TAFA2: variants seen among roughly 807,000 people sequenced by gnomAD.
The protein encoded by TAFA2 is chemokine-like protein TAFA-2.
A neutral mutation model predicts 18.8 loss-of-function variants in TAFA2; 7 were observed. The observed-to-expected ratio is 0.37, with a 90% CI of 0.21 to 0.70. The LOEUF is 0.70. Ranked by LOEUF, TAFA2 falls within the 30% of genes least tolerant of loss-of-function variation. The pLI, the probability that TAFA2 is intolerant of heterozygous loss-of-function variation, is 0.53. For synonymous variants in TAFA2, 60 were observed against 54.2 expected, an observed-to-expected ratio of 1.11 and a Z score of -0.47; for missense variants, 122 against 158.1, an observed-to-expected ratio of 0.77 and a Z score of 1.23.
chr12:61,867,177 T>C (rs1874390139), intron 2 of TAFA2, 143 bp downstream of exon 2: 2 of 599,996 alleles, frequency 3.3e-6, no homozygotes, highest in African/African-American at 3.8e-5. Flanking sequence ...AAGATAACAC[T>C]GCATTATTAC....
intron 1 of TAFA2, among the ~76,000 whole-genome samples, chr12:61,933,307 T>A (rs2121400220): frequency 6.6e-6 from 1 of 152,296 alleles, no homozygotes; most frequent in Admixed American, 6.5e-5. Flanking sequence ...GAGATATAGT[T>A]TCCACCTTTA....
intron 1 of TAFA2, among the ~76,000 whole-genome samples, chr12:62,170,041 T>C (rs994584475): frequency 1.3e-5 from 2 of 152,096 alleles, no homozygotes; most frequent in African/African-American, 4.8e-5. Context: ...AATTTATATA[T>C]TATATTGCTT....
chr12:61,810,125 T>A (rs1871803206), intron 2 of TAFA2, among the ~76,000 whole-genome samples: 2 of 151,454 alleles, frequency 1.3e-5, no homozygotes, highest in South Asian at 4.1e-4. Flanking sequence ...TATTCCTGTA[T>A]AATTTACAGT....
rs2062791508 is a variant in TAFA2, at chr12:62,227,371, C to G, written c.-130+31392G>C. On this transcript the variant is annotated intron_variant, in intron 1 of 5. Transcript: ENST00000551619. ...GTTACATATGCATACACTAAAGTGTCTGGCTGATGGGACAAGCAGGGGCAG... is the reference window on the plus strand; with the variant it reads ...GTTACATATGCATACACTAAAGTGTGTGGCTGATGGGACAAGCAGGGGCAG... Among the ~76,000 whole-genome samples the G allele has an allele frequency of 2.0e-5, 3 of 152,330 alleles. No homozygotes were observed. In the South Asian group the frequency reaches 6.2e-4, roughly 32 times the overall value.
chr12:61,786,652 A>G (rs1870750904), intron 2 of TAFA2, among the ~76,000 whole-genome samples: 1 of 151,566 alleles, frequency 6.6e-6, no homozygotes, highest in South Asian at 2.1e-4. Flanking sequence ...CCAAGGTTGA[A>G]CACCTAGGGA....
chr12:62,023,595 A>C (rs1592556348), intron 1 of TAFA2: 1 of 152,002 alleles, frequency 6.6e-6, no homozygotes, highest in East Asian at 1.9e-4. Context: ...TTTGTAACTA[A>C]AAAGATACTG....
Position 62,198,024 on chromosome 12 carries a change from A to C in TAFA2, c.-130+60739T>G, listed in dbSNP as rs71465142. 9.5e-3 allele frequency among the ~76,000 whole-genome samples: 1,449 copies of C among 152,254 alleles called. 16 individuals are homozygous for C. Among genetic ancestry groups the C allele is most frequent in the Non-Finnish European group, 0.017 (1,133 of 68,008 alleles). Reference sequence around the variant, plus strand: ...TATGTTTAACTTAAAAACAAGAAGTATTTTCTAAAGTGTCTGTGCCATTTT... The same window carrying C: ...TATGTTTAACTTAAAAACAAGAAGTCTTTTCTAAAGTGTCTGTGCCATTTT... On this transcript the variant is annotated intron_variant, in intron 1 of 5. Transcript: ENST00000551619.
intron 1 of TAFA2, among the ~76,000 whole-genome samples, chr12:62,073,628 G>A (rs1284836769): frequency 6.6e-6 from 1 of 152,080 alleles, no homozygotes; most frequent in Non-Finnish European, 1.5e-5. Context: ...TACTTGAATA[G>A]CATTGCACAG....
At chr12:62,028,484 A>G (rs1881366755) in intron 1 of TAFA2, among the ~76,000 whole-genome samples, 1 of 152,194 alleles carries the variant, frequency 6.6e-6, no homozygotes, top group Non-Finnish European at 1.5e-5. Context: ...AACAATTCTC[A>G]ACTCTCAGCT....
Position 61,708,322 on chromosome 12 carries a change from T to G in TAFA2, c.*2084A>C, listed in dbSNP as rs971782957. 6.6e-6 allele frequency: 1 copy of G among 152,146 alleles called. No homozygotes were observed. Among genetic ancestry groups the G allele is most frequent in the Admixed American group, 6.6e-5 (1 of 15,260 alleles). The allele number at this position is 152,146 out of a possible 1,614,324, so 9.4% of individuals were successfully genotyped here. A position where few individuals can be genotyped will look rare whatever the true frequency, so the allele number is the denominator to read the frequency against. ...CACCTTTTCTGAATAGTCACAACAT[T>G]AATCTACTGGGGATAATCTAGTTAG... is the stretch of plus-strand genomic sequence containing the variant. On this transcript the variant is annotated 3_prime_UTR_variant, in exon 5 of 5. Coordinates refer to ENST00000416284, the MANE Select transcript of TAFA2 (RefSeq NM_178539.5).
chr12:61,822,021 A>T (rs2121052929), intron 2 of TAFA2, among the ~76,000 whole-genome samples: 1 of 152,280 alleles, frequency 6.6e-6, no homozygotes, highest in Non-Finnish European at 1.5e-5. Flanking sequence ...ATTATAATAT[A>T]AAGCCAGAAA....
At chr12:61,929,159 T>TA (rs57143585) in intron 1 of TAFA2, among the ~76,000 whole-genome samples, 6,422 of 134,674 alleles carry the variant, frequency 0.048, 239 homozygotes, top group African/African-American at 0.11. Flanking sequence ...AAGTATAATT[T>TA]AAAAAAAAAA....
At chr12:61,921,208 C>G (rs1397710820) in intron 1 of TAFA2, among the ~76,000 whole-genome samples, 1 of 152,194 alleles carries the variant, frequency 6.6e-6, no homozygotes, top group Non-Finnish European at 1.5e-5. Context: ...TTTAATTAAT[C>G]ATCCTGCCAG....
intron 1 of TAFA2, among the ~76,000 whole-genome samples, chr12:61,960,925 G>T (rs1433365755): frequency 6.6e-6 from 1 of 151,850 alleles, no homozygotes; most frequent in Non-Finnish European, 1.5e-5. Flanking sequence ...GTATGAGTCT[G>T]TTCTTGCATT....
At chr12:62,194,171 T>C (rs898783692), upstream of TAFA2, among the ~76,000 whole-genome samples, 1 of 152,154 alleles carries the variant, frequency 6.6e-6, no homozygotes, top group Non-Finnish European at 1.5e-5. Context: ...GCACTGCAAA[T>C]CTTACAGTAT....
chr12:62,095,383 T>C (rs1473006122), intron 1 of TAFA2, among the ~76,000 whole-genome samples: 2 of 152,070 alleles, frequency 1.3e-5, no homozygotes, highest in African/African-American at 4.8e-5. Flanking sequence ...AAAATAAACA[T>C]GACACTGTGA....
intron 1 of TAFA2, among the ~76,000 whole-genome samples, chr12:61,922,856 C>A (rs1877115084): frequency 6.6e-6 from 1 of 152,182 alleles, no homozygotes. Flanking sequence ...GCTTGAAATT[C>A]TCGCTGCCAA....
At chr12:61,735,257 C>T (rs1487683512) in intron 4 of TAFA2, among the ~76,000 whole-genome samples, 1 of 151,898 alleles carries the variant, frequency 6.6e-6, no homozygotes, top group African/African-American at 2.4e-5. Flanking sequence ...ATATCTTTCC[C>T]ATTATTGTCT....
intron 1 of TAFA2, among the ~76,000 whole-genome samples, chr12:62,033,636 G>A (rs1881521483): frequency 1.3e-5 from 2 of 151,960 alleles, no homozygotes; most frequent in South Asian, 4.2e-4. Flanking sequence ...ACAATATGAA[G>A]AAAATTCTTC....
Sources: allele counts gnomAD v4.1 joint callset (sites outside exome capture counted in the v4.1 genomes callset), GRCh38; gene constraint gnomAD v4.1.1; transcripts MANE v1.5; gene names NCBI Gene and HGNC (gene_info 2026-07-23, HGNC 2026-07-21).